CNKSR1: variants seen among roughly 807,000 people sequenced by gnomAD.
The protein encoded by CNKSR1 is CNK homolog protein 1.
A neutral mutation model predicts 95.6 loss-of-function variants in CNKSR1; 88 were observed. That is an observed-to-expected ratio of 0.92 (90% confidence interval 0.78 to 1.10). CNKSR1 has a LOEUF of 1.10. CNKSR1 is among the 50% of genes least tolerant of loss of function. The pLI, the probability that CNKSR1 is intolerant of heterozygous loss-of-function variation, is 0.00. For missense variants in CNKSR1, 836 were observed against 912.0 expected (o/e 0.92, Z 1.07); for synonymous variants, 355 against 369.7 (o/e 0.96, Z 0.46).
Position 26,189,866 on chromosome 1 carries a change from A to T in CNKSR1, c.*318A>T. Reference sequence around the variant, plus strand: ...ATGAGGGCTACTTTCCAACCAAATAAAGTCAATTTTTCTAAGAATGAGTCT... The same window carrying T: ...ATGAGGGCTACTTTCCAACCAAATATAGTCAATTTTTCTAAGAATGAGTCT... On this transcript the variant is annotated 3_prime_UTR_variant, in exon 21 of 21. Transcript: ENST00000361530. 3.6e-6 allele frequency: 2 copies of T among 558,060 alleles called. No homozygotes were observed. The highest frequency in any genetic ancestry group is 6.6e-6 in the Non-Finnish European group (2 of 304,798). 34.6% of individuals were successfully genotyped at this position (558,060 alleles called of 1,614,324 possible).
intron 3 of CNKSR1, among the ~76,000 whole-genome samples, chr1:26,181,263 AGAGT>A (rs1374262675): frequency 1.4e-5 from 2 of 145,152 alleles, no homozygotes; most frequent in Non-Finnish European, 3.0e-5. Context: ...CCTGGGCGAC[AGAGT>A]GAGACTCCCT....
chr1:26,182,360 G>A lies in CNKSR1; in HGVS notation c.478-1G>A. The A allele has an allele frequency of 6.2e-7, 1 of 1,614,086 alleles. No individual in the cohort carries two copies. The highest frequency in any genetic ancestry group is 1.1e-5 in the South Asian group (1 of 91,078). Reference sequence around the variant, plus strand: ...CCCCTGCTCTCTCATTCTACTTCCAGGATGGTCCAGCGGCTGAGAAGGAGG... The same window carrying A: ...CCCCTGCTCTCTCATTCTACTTCCAAGATGGTCCAGCGGCTGAGAAGGAGG... On this transcript the variant is annotated splice_acceptor_variant, in intron 4 of 20. Transcript: ENST00000361530. LOFTEE classifies it high-confidence loss of function.
intron 4 of CNKSR1, 129 bp from the exon 5 acceptor site, chr1:26,182,232 T>C (rs2088658815): frequency 2.1e-6 from 2 of 974,958 alleles, no homozygotes; most frequent in Admixed American, 4.2e-5. Context: ...GCCCTGTGGT[T>C]CTGGGCAGGG....
rs777771565 is a variant in CNKSR1 at position 26,181,918 on chromosome 1, G to T, written c.454G>T (p.Glu152Ter). The change falls in exon 4 of 21, where the codon GAG (glutamate) becomes TAG (stop). Residue 152 changes from glutamate (E) to a stop codon, truncating the protein, a stop_gained. Coordinates refer to ENST00000361530, the MANE Select transcript of CNKSR1 (RefSeq NM_006314.3). LOFTEE classifies it high-confidence loss of function. Reference sequence around the variant, plus strand: ...CCAGGAGATCCGAGACTTGTTGGAGGAGCTGAGCCAGGTCTTGCATGAGGT... The same window carrying T: ...CCAGGAGATCCGAGACTTGTTGGAGTAGCTGAGCCAGGTCTTGCATGAGGT... ...ACQEIRDLLE[E>*]LSQVLHEDGP... The T allele has an allele frequency of 1.2e-6, 2 of 1,614,018 alleles. No homozygotes were observed. Among genetic ancestry groups the T allele is most frequent in the Non-Finnish European group, 1.7e-6 (2 of 1,179,910 alleles).
intron 14 of CNKSR1, 82 bp from the exon 15 acceptor site, chr1:26,187,086 G>A: frequency 9.6e-7 from 1 of 1,045,180 alleles, no homozygotes. Context: ...CAACTCTCAG[G>A]AGCCCGAGGG....
intron 4 of CNKSR1, 118 bp downstream of exon 4, chr1:26,182,059 G>A: frequency 1.0e-6 from 1 of 1,005,000 alleles, no homozygotes. Context: ...GGCGAGAAAG[G>A]AGGAGAGGAG....
In CNKSR1 at chr1:26,177,705, C is replaced by G. The variant is rs2783707; in HGVS notation, c.52+106C>G. ...AAAAAAAATCTGCGGACTGGGTGCG[C>G]TGGTTCACACCTGTAATCCCAGCAC... On this transcript the variant is annotated intron_variant, in intron 1 of 20. Transcript: ENST00000361530. 0.34 allele frequency: 449,863 copies of G among 1,321,170 alleles called. 85,381 individuals are homozygous for G. The highest frequency in any genetic ancestry group is 0.67 in the East Asian group (28,295 of 42,334). 81.8% of individuals were successfully genotyped at this position (1,321,170 alleles called of 1,614,324 possible). A position where few individuals can be genotyped will look rare whatever the true frequency, so the allele number is the denominator to read the frequency against.
intron 14 of CNKSR1, chr1:26,186,960 T>C (rs1214171542): frequency 5.4e-6 from 3 of 556,974 alleles, no homozygotes; most frequent in Non-Finnish European, 9.7e-6. Flanking sequence ...GGCTCCCCTT[T>C]CCTGGCTTAG....
chr1:26,183,969 C>T lies in CNKSR1; in HGVS notation c.856-102C>T, dbSNP rs573311792. 355 of 625,852 alleles carry T rather than the reference C, an allele frequency of 5.7e-4. 8 individuals carry two copies. Among genetic ancestry groups the T allele is most frequent in the South Asian group, 3.1e-3 (193 of 61,336 alleles). 38.8% of individuals were successfully genotyped at this position (625,852 alleles called of 1,614,324 possible). ...CTGCGCCCCCCTAGCTCCCTTCAGA[C>T]CCCCCCACAGGTACCTGCTCCTGCT... On this transcript the variant is annotated intron_variant, in intron 9 of 20. Coordinates refer to ENST00000361530, the MANE Select transcript of CNKSR1 (RefSeq NM_006314.3).
chr1:26,188,194 A>C (rs1421436144), intron 16 of CNKSR1, 40 bp from the exon 17 acceptor site: 14 of 1,570,564 alleles, frequency 8.9e-6, no homozygotes, highest in Non-Finnish European at 1.2e-5. Flanking sequence ...AGAGGGCCCC[A>C]GTGGATGGAA....
Position 26,184,440 on chromosome 1 carries a change from C to G in CNKSR1, c.1040C>G (p.Pro347Arg). 6.2e-7 allele frequency: 1 copy of G among 1,613,384 alleles called. No homozygotes were observed. Among genetic ancestry groups the G allele is most frequent in the Non-Finnish European group, 8.5e-7 (1 of 1,179,782 alleles). ...SLGPEPLPIP[P>R]EPPAILPAGV... is the part of the protein sequence containing the mutation. ...GGCCCTGAGCCCCTGCCCATCCCCC[C>G]GGAACCCCCAGCCATACTCCCAGCA... Residue 347 changes from proline to arginine, a missense_variant, in exon 12 of 21, where the codon CCG (proline) becomes CGG (arginine). Transcript: ENST00000361530.
chr1:26,187,618 CTCT>C (rs2088778778), intron 16 of CNKSR1, 136 bp downstream of exon 16: 2 of 614,942 alleles, frequency 3.3e-6, no homozygotes, highest in South Asian at 1.8e-5. Flanking sequence ...ACTTCTCTTT[CTCT>C]TTTTTTTTTT....
In CNKSR1 at chr1:26,189,370, G is replaced by T; in HGVS notation, c.1964G>T (p.Arg655Leu). 6.2e-7 allele frequency: 1 copy of T among 1,614,012 alleles called. No homozygotes were observed. The highest frequency in any genetic ancestry group is 8.5e-7 in the Non-Finnish European group (1 of 1,179,892). ...EKFRQWKEQN[R>L]ELYSEGLGAW... ...TTCCGCCAGTGGAAGGAGCAGAACCGGGAGCTGTACTCAGAGGGCCTGGGG... is the reference window on the plus strand; with the variant it reads ...TTCCGCCAGTGGAAGGAGCAGAACCTGGAGCTGTACTCAGAGGGCCTGGGG... Residue 655 changes from arginine (R) to leucine (L), a missense_variant, in exon 21 of 21, where the codon CGG becomes CTG. Coordinates refer to ENST00000361530, the MANE Select transcript of CNKSR1 (RefSeq NM_006314.3).
At position 26,189,446 on chromosome 1, in the gene CNKSR1, C is replaced by G. The variant is rs1450389687; in HGVS notation, c.2040C>G (p.Asp680Glu). 6.2e-7 allele frequency: 1 copy of G among 1,614,006 alleles called. No individual in the cohort carries two copies. The highest frequency in any genetic ancestry group is 8.5e-7 in the Non-Finnish European group (1 of 1,179,996). Reference sequence around the variant, plus strand: ...GCAGCTCCCACATCTTGACCTCTGACTCCACAGAACAGTCCCCCCACTCCC... The same window carrying G: ...GCAGCTCCCACATCTTGACCTCTGAGTCCACAGAACAGTCCCCCCACTCCC... ...AEGSSHILTS[D>E]STEQSPHSLP... Residue 680 changes from aspartate to glutamate, a missense_variant, in exon 21 of 21, where the codon GAC (aspartate) becomes GAG (glutamate). Asp to Glu is a conservative substitution (Grantham distance 45). Transcript: ENST00000361530.
chr1:26,180,461 G>C lies in CNKSR1; in HGVS notation c.61G>C (p.Asp21His), dbSNP rs985302687. 1.9e-6 allele frequency: 3 copies of C among 1,613,968 alleles called. No homozygotes were observed. The highest frequency in any genetic ancestry group is 2.5e-6 in the Non-Finnish European group (3 of 1,180,038). The change falls in exon 2 of 21, where the codon GAC becomes CAC. Residue 21 changes from aspartate (D) to histidine (H), a missense_variant. Transcript: ENST00000361530. The part of the protein sequence containing the change: ...KVATWLRGLD[D>H]SLQDYPFEDW... ...CCTTACTCTCCCTCCAGGTCTTGAC[G>C]ACTCCCTGCAGGACTATCCCTTTGA...
intron 13 of CNKSR1, 46 bp from the exon 14 acceptor site, chr1:26,184,968 C>T (rs1294168871): frequency 1.3e-6 from 2 of 1,542,424 alleles, no homozygotes; most frequent in Non-Finnish European, 8.7e-7. Context: ...TTAGCGGGGG[C>T]ACCTTGCCAG....
chr1:26,180,581 C>T lies in CNKSR1; in HGVS notation c.181C>T (p.Leu61=). Residue 61 remains leucine (L), a synonymous_variant, in exon 2 of 21, where the codon CTG becomes TTG. Coordinates refer to ENST00000361530, the MANE Select transcript of CNKSR1 (RefSeq NM_006314.3). ...GTCTCTGGGACACCAGGAGCTCATC[C>T]TGGGCGGGGTGGAACAGCTCCAGGC... The part of the protein sequence containing the change: ...VRSLGHQELI[L]GGVEQLQALS... The T allele has an allele frequency of 6.2e-7, 1 of 1,614,200 alleles. No homozygotes were observed. The highest frequency in any genetic ancestry group is 8.5e-7 in the Non-Finnish European group (1 of 1,180,036).
chr1:26,188,704 G>C lies in CNKSR1; in HGVS notation c.1690+7G>C. ...TCCTTTGGCTCTCTGACAGGTGCTG[G>C]GCTGGAGTTGGGAGCTGGGCTGGGG... On this transcript the variant is annotated splice_region_variant and intron_variant, in intron 19 of 20. Transcript: ENST00000361530. 1 of 1,613,384 alleles carries C rather than the reference G, an allele frequency of 6.2e-7. No individual in the cohort carries two copies. The highest frequency in any genetic ancestry group is 8.5e-7 in the Non-Finnish European group (1 of 1,179,572).
Position 26,188,220 on chromosome 1 carries a change from C to A in CNKSR1, c.1455-14C>A. On this transcript the variant is annotated splice_polypyrimidine_tract_variant and intron_variant, in intron 16 of 20. Transcript: ENST00000361530. Reference sequence around the variant, plus strand: ...GTGGATGGAAACCCTGTGAGACCTGCTTGCTCTCCATAGGTGGGTGCGTCA... The same window carrying A: ...GTGGATGGAAACCCTGTGAGACCTGATTGCTCTCCATAGGTGGGTGCGTCA... The A allele has an allele frequency of 6.2e-7, 1 of 1,613,402 alleles. No individual in the cohort carries two copies. The highest frequency in any genetic ancestry group is 8.5e-7 in the Non-Finnish European group (1 of 1,179,346).
Sources: gnomAD v4.1 joint callset for allele counts (sites outside exome capture counted in the v4.1 genomes callset) on GRCh38, gnomAD v4.1.1 for gene constraint, MANE v1.5 for transcripts, NCBI Gene and HGNC (gene_info 2026-07-23, HGNC 2026-07-21) for gene names.